JARID2: variants seen among roughly 807,000 people sequenced by gnomAD.
The protein encoded by JARID2 is protein Jumonji.
Under a neutral mutation model 125.6 loss-of-function variants are expected in JARID2, and 21 were observed. The ratio of observed to expected loss-of-function variants is 0.17; its 90% CI spans 0.12 to 0.24. The LOEUF is 0.24. JARID2 is among the 10% of genes least tolerant of loss of function. The pLI, the probability that JARID2 is intolerant of heterozygous loss-of-function variation, is 1.00. For missense variants in JARID2, 1,303 were observed against 1,639.6 expected (o/e 0.79, Z 3.55); for synonymous variants, 736 against 661.6 (o/e 1.11, Z -1.73).
intron 5 of JARID2, among the ~76,000 whole-genome samples, chr6:15,473,344 T>C (rs28678735): frequency 5.9e-5 from 9 of 152,180 alleles, no homozygotes; most frequent in Non-Finnish European, 1.2e-4. Context: ...AAGGAGCTAA[T>C]GGGAGATGAT....
chr6:15,336,705 T>G (rs1400000988), intron 1 of JARID2, among the ~76,000 whole-genome samples: 1 of 152,006 alleles, frequency 6.6e-6, no homozygotes, highest in Non-Finnish European at 1.5e-5. Context: ...ACGTTTCATG[T>G]TATTTTTACA....
At chr6:15,480,436 A>G (rs1481308810) in intron 5 of JARID2, among the ~76,000 whole-genome samples, 1 of 152,144 alleles carries the variant, frequency 6.6e-6, no homozygotes, top group African/African-American at 2.4e-5. Flanking sequence ...TTTCATACAC[A>G]TCTAATAATC....
intron 1 of JARID2, among the ~76,000 whole-genome samples, chr6:15,317,393 G>A (rs964623654): frequency 1.7e-4 from 26 of 152,194 alleles, no homozygotes; most frequent in Admixed American, 3.3e-4. Flanking sequence ...TAAAGGTGAT[G>A]CATAGGTTTG....
intron 11 of JARID2, among the ~76,000 whole-genome samples, chr6:15,508,053 C>T (rs527655899): frequency 5.3e-5 from 8 of 152,354 alleles, no homozygotes; most frequent in South Asian, 2.1e-4. Flanking sequence ...GGCTTCGGCC[C>T]GTGGGCGGCC....
intron 2 of JARID2, among the ~76,000 whole-genome samples, chr6:15,391,889 C>A (rs1203949328): frequency 2.6e-5 from 4 of 152,316 alleles, no homozygotes; most frequent in African/African-American, 9.6e-5. Flanking sequence ...TTTGGTGGCT[C>A]TATCATGCTT....
At chr6:15,458,704 A>G (rs1768307372) in intron 4 of JARID2, among the ~76,000 whole-genome samples, 1 of 152,210 alleles carries the variant, frequency 6.6e-6, no homozygotes. Context: ...TAAAGCAGGA[A>G]GGGAGAGGCC....
At chr6:15,403,740 G>T (rs1164887996) in intron 2 of JARID2, among the ~76,000 whole-genome samples, 1 of 147,520 alleles carries the variant, frequency 6.8e-6, no homozygotes, top group Non-Finnish European at 1.5e-5. Flanking sequence ...TGTCGTGGGG[G>T]CGGATTCTGG....
intron 6 of JARID2, among the ~76,000 whole-genome samples, chr6:15,488,144 C>T (rs1015787729): frequency 1.6e-4 from 25 of 152,158 alleles, no homozygotes; most frequent in East Asian, 3.9e-4. Flanking sequence ...GCCTGTCCTG[C>T]GCTGTCCCCC....
chr6:15,359,345 C>T (rs1763711377), intron 1 of JARID2, among the ~76,000 whole-genome samples: 2 of 152,126 alleles, frequency 1.3e-5, no homozygotes, highest in Admixed American at 1.3e-4. Context: ...TATGTCCTGC[C>T]CCTGATGTGG....
intron 1 of JARID2, among the ~76,000 whole-genome samples, chr6:15,275,995 G>A (rs1760487677): frequency 6.6e-6 from 1 of 152,186 alleles, no homozygotes; most frequent in Admixed American, 6.5e-5. Context: ...GATGTAGAAT[G>A]TTCACTGAGC....
At chr6:15,397,601 C>T (rs1196162530) in intron 2 of JARID2, among the ~76,000 whole-genome samples, 2 of 152,142 alleles carry the variant, frequency 1.3e-5, no homozygotes, top group African/African-American at 4.8e-5. Context: ...CTGACTTCTC[C>T]TGAATTAGAG....
chr6:15,368,426 T>C (rs1169924513), intron 1 of JARID2, among the ~76,000 whole-genome samples: 1 of 152,202 alleles, frequency 6.6e-6, no homozygotes, highest in South Asian at 2.1e-4. Flanking sequence ...AGGATATAGT[T>C]AACTGCAAAC....
intron 1 of JARID2, among the ~76,000 whole-genome samples, chr6:15,307,533 C>A (rs532562414): frequency 6.6e-6 from 1 of 152,178 alleles, no homozygotes; most frequent in East Asian, 1.9e-4. Flanking sequence ...TAGTACATTG[C>A]AATTAATGTT....
intron 3 of JARID2, among the ~76,000 whole-genome samples, chr6:15,426,571 G>A (rs1000735235): frequency 3.3e-5 from 5 of 152,218 alleles, no homozygotes; most frequent in Non-Finnish European, 7.3e-5. Context: ...ATCAGTCTAA[G>A]CCAAGATGTG....
chr6:15,317,516 G>C (rs1762218734), intron 1 of JARID2, among the ~76,000 whole-genome samples: 1 of 152,068 alleles, frequency 6.6e-6, no homozygotes, highest in Non-Finnish European at 1.5e-5. Context: ...CAGTAGACCT[G>C]GAGTCTTGCC....
At chr6:15,409,534 C>A (rs1420524712) in intron 2 of JARID2, among the ~76,000 whole-genome samples, 1 of 152,204 alleles carries the variant, frequency 6.6e-6, no homozygotes, top group East Asian at 1.9e-4. Flanking sequence ...ACTTCCATAT[C>A]AGTTAGTACA....
chr6:15,309,834 G>T (rs937884336), intron 1 of JARID2, among the ~76,000 whole-genome samples: 3 of 152,120 alleles, frequency 2.0e-5, no homozygotes, highest in Non-Finnish European at 4.4e-5. Context: ...GTTCCAAAGT[G>T]AAAGTGGAAA....
At chr6:15,269,173 G>T (rs1760200950) in intron 1 of JARID2, among the ~76,000 whole-genome samples, 1 of 152,108 alleles carries the variant, frequency 6.6e-6, no homozygotes, top group Non-Finnish European at 1.5e-5. Flanking sequence ...ATAGCTTTCT[G>T]TCTCCTCCCA....
At chr6:15,511,502 C>G (rs1771277882) in intron 13 of JARID2, 101 bp downstream of exon 13, 1 of 780,972 alleles carries the variant, frequency 1.3e-6, no homozygotes, top group African/African-American at 1.7e-5. Flanking sequence ...AATGAGGACA[C>G]AGCAAAACAA....
Sources: gnomAD v4.1 joint callset for allele counts (sites outside exome capture counted in the v4.1 genomes callset) on GRCh38, gnomAD v4.1.1 for gene constraint, MANE v1.5 for transcripts, NCBI Gene and HGNC (gene_info 2026-07-23, HGNC 2026-07-21) for gene names.